Variants in FGF12 observed in about 807,000 individuals in gnomAD.
The protein encoded by FGF12 is fibroblast growth factor 12.
In FGF12, 14 loss-of-function variants were observed where a neutral mutation model predicts 23.6. That is an observed-to-expected ratio of 0.59 (90% CI 0.39 to 0.93). FGF12 has a LOEUF of 0.93. FGF12 is among the 40% of genes least tolerant of loss of function. The probability of loss-of-function intolerance (pLI) is 0.00; values close to 1 mark genes in which losing one functional copy is unlikely to be tolerated. For synonymous variants in FGF12, 62 were observed against 77.3 expected, an observed-to-expected ratio of 0.80 and a Z score of 1.04; for missense variants, 175 against 217.8, an observed-to-expected ratio of 0.80 and a Z score of 1.24.
intron 4 of FGF12, among the ~76,000 whole-genome samples, chr3:192,308,832 T>C (rs971554646): frequency 6.6e-6 from 1 of 152,162 alleles, no homozygotes; most frequent in East Asian, 1.9e-4. Flanking sequence ...TTTTAAGGAA[T>C]TAAATTAGGT....
chr3:192,421,613 T>G (rs1039884396), intron 2 of FGF12, among the ~76,000 whole-genome samples: 10 of 152,002 alleles, frequency 6.6e-5, no homozygotes, highest in African/African-American at 2.2e-4. Context: ...GAGTGGGAGT[T>G]GAACAATAAG....
chr3:192,439,095 T>C (rs544369453), intron 2 of FGF12, among the ~76,000 whole-genome samples: 8 of 152,324 alleles, frequency 5.3e-5, no homozygotes, highest in Middle Eastern at 3.4e-3. Flanking sequence ...CACATTCTTA[T>C]GGAATATTAC....
intron 4 of FGF12, among the ~76,000 whole-genome samples, chr3:192,315,605 T>G (rs1560066172): frequency 6.6e-6 from 1 of 152,132 alleles, no homozygotes; most frequent in African/African-American, 2.4e-5. Context: ...AAAAAATAAG[T>G]AGCCAATACT....
At chr3:192,273,528 G>A (rs950814975) in intron 4 of FGF12, among the ~76,000 whole-genome samples, 1 of 152,138 alleles carries the variant, frequency 6.6e-6, no homozygotes, top group Non-Finnish European at 1.5e-5. Flanking sequence ...TCAGATGTAA[G>A]CTCGAGGAGT....
intron 4 of FGF12, among the ~76,000 whole-genome samples, chr3:192,329,607 T>G (rs564892127): frequency 1.3e-5 from 2 of 152,316 alleles, no homozygotes; most frequent in South Asian, 4.1e-4. Context: ...TTGTCTTTCC[T>G]GTATAAAATG....
At chr3:192,156,421 G>C (rs558543394) in intron 5 of FGF12, among the ~76,000 whole-genome samples, 11 of 152,312 alleles carry the variant, frequency 7.2e-5, no homozygotes, top group African/African-American at 2.6e-4. Context: ...TGATGTTATA[G>C]ATAGTACTTA....
chr3:192,727,092 C>T, intron 2 of FGF12, 89 bp downstream of exon 2: 2 of 1,487,586 alleles, frequency 1.3e-6, no homozygotes, highest in Admixed American at 2.0e-5. Context: ...ATGATGCTCG[C>T]TCCCCAAGCA....
intron 4 of FGF12, among the ~76,000 whole-genome samples, chr3:192,266,041 C>A (rs1025488986): frequency 6.6e-6 from 1 of 152,118 alleles, no homozygotes; most frequent in African/African-American, 2.4e-5. Flanking sequence ...ATTAATGTTT[C>A]CCTTAAGTTG....
chr3:192,171,438 C>T (rs1450170874), intron 4 of FGF12, among the ~76,000 whole-genome samples: 1 of 152,156 alleles, frequency 6.6e-6, no homozygotes, highest in Admixed American at 6.5e-5. Context: ...TGAGTCAATG[C>T]CAGAGCTCAC....
At chr3:192,661,551 G>A (rs747024943) in intron 2 of FGF12, among the ~76,000 whole-genome samples, 1 of 152,122 alleles carries the variant, frequency 6.6e-6, no homozygotes, top group Non-Finnish European at 1.5e-5. Context: ...TTGATGTAAA[G>A]AGGAAATTCT....
chr3:192,438,852 T>G (rs994839400), intron 2 of FGF12, among the ~76,000 whole-genome samples: 2 of 152,156 alleles, frequency 1.3e-5, no homozygotes, highest in Non-Finnish European at 2.9e-5. Context: ...GCCCCCCGGT[T>G]TCAAAAGAAC....
At chr3:192,574,204 C>T (rs1340478259) in intron 2 of FGF12, among the ~76,000 whole-genome samples, 1 of 152,180 alleles carries the variant, frequency 6.6e-6, no homozygotes, top group East Asian at 1.9e-4. Context: ...CAGAAGTTAG[C>T]TAGTCAATAT....
At chr3:192,298,480 G>A (rs1715164545) in intron 4 of FGF12, among the ~76,000 whole-genome samples, 1 of 152,206 alleles carries the variant, frequency 6.6e-6, no homozygotes, top group African/African-American at 2.4e-5. Context: ...GCCAGTCACA[G>A]TGGCACATGC....
chr3:192,499,576 G>A (rs1320288684), intron 2 of FGF12, among the ~76,000 whole-genome samples: 1 of 120,974 alleles, frequency 8.3e-6, no homozygotes, highest in Non-Finnish European at 1.6e-5. Context: ...CGGTCGCCCA[G>A]GCTGGAGTGC....
chr3:192,369,828 T>C (rs574502372), intron 2 of FGF12, among the ~76,000 whole-genome samples: 2 of 152,296 alleles, frequency 1.3e-5, no homozygotes, highest in African/African-American at 4.8e-5. Context: ...ATTATTTCCG[T>C]GAACATTTAA....
chr3:192,266,821 CACAT>C (rs1172484800), intron 4 of FGF12, among the ~76,000 whole-genome samples: 1 of 151,670 alleles, frequency 6.6e-6, no homozygotes, highest in East Asian at 1.9e-4. Flanking sequence ...CACACACACA[CACAT>C]ACACTACCTC....
intron 2 of FGF12, among the ~76,000 whole-genome samples, chr3:192,687,612 C>A (rs1449970434): frequency 6.6e-6 from 1 of 152,142 alleles, no homozygotes; most frequent in Non-Finnish European, 1.5e-5. Flanking sequence ...ATGTCCACAC[C>A]CAAGGTTGTC....
intron 4 of FGF12, among the ~76,000 whole-genome samples, chr3:192,255,867 G>A (rs55926579): frequency 5.9e-5 from 9 of 152,030 alleles, no homozygotes; most frequent in Admixed American, 5.2e-4. Context: ...CTTTCCCGAA[G>A]TTATATGGCA....
chr3:192,586,002 G>A (rs758867934), intron 2 of FGF12, among the ~76,000 whole-genome samples: 1 of 152,002 alleles, frequency 6.6e-6, no homozygotes, highest in Admixed American at 6.6e-5. Context: ...AAAATAACTT[G>A]ACACTGGAAA....
Sources: gnomAD v4.1 joint callset for allele counts (sites outside exome capture counted in the v4.1 genomes callset) on GRCh38, gnomAD v4.1.1 for gene constraint, MANE v1.5 for transcripts, NCBI Gene and HGNC (gene_info 2026-07-23, HGNC 2026-07-21) for gene names.